Variants in CCDC61 observed in about 807,000 individuals in gnomAD.
CCDC61 encodes coiled-coil domain containing 61.
Under a neutral mutation model 63.0 loss-of-function variants are expected in CCDC61, and 55 were observed. The observed-to-expected ratio is 0.87, with a 90% CI of 0.70 to 1.09. The LOEUF (loss-of-function observed/expected upper bound fraction) is 1.09. Among genes scored for constraint, CCDC61 ranks in the 50% least tolerant of loss-of-function variants. CCDC61 has a pLI of 0.00. For synonymous variants in CCDC61, 270 were observed against 317.0 expected (o/e 0.85, Z 1.58); for missense variants, 651 against 731.4 (o/e 0.89, Z 1.27).
intron 1 of CCDC61, among the ~76,000 whole-genome samples, chr19:46,001,956 A>AT (rs1457930013): frequency 1.3e-5 from 2 of 151,986 alleles, no homozygotes; most frequent in Non-Finnish European, 2.9e-5. Flanking sequence ...ATTTTATTTT[A>AT]TTTTTTGAGA....
rs1424862223 is a variant in CCDC61, at chr19:46,015,368, G to A, written c.786G>A (p.Glu262=). The A allele has an allele frequency of 6.2e-7, 1 of 1,603,036 alleles. No homozygotes were observed. Among genetic ancestry groups the A allele is most frequent in the Non-Finnish European group, 8.5e-7 (1 of 1,179,046 alleles). The change falls in exon 7 of 14, where the codon GAG becomes GAA. Residue 262 remains glutamate, a synonymous_variant. Transcript: ENST00000595358. The surrounding 1 kb of genome is among the most constrained non-coding windows in gnomAD (Gnocchi z 5.3). The part of the protein sequence containing the change: ...AKELEEAKAS[E]RSLRARLKTL... ...AGCTCGAGGAGGCGAAGGCATCGGA[G>A]CGGAGCCTGCGCGCCCGGCTGAAGA...
intron 5 of CCDC61, among the ~76,000 whole-genome samples, chr19:46,010,195 T>C (rs1241211521): frequency 2.0e-5 from 3 of 152,212 alleles, no homozygotes; most frequent in Admixed American, 2.0e-4. Context: ...TCGTCCCTCT[T>C]CACAGATGAG....
At chr19:46,008,086 C>T (rs1051206739) in intron 4 of CCDC61, 54 bp from the exon 5 acceptor site, 3 of 1,526,788 alleles carry the variant, frequency 2.0e-6, no homozygotes, top group African/African-American at 2.8e-5. Context: ...GCTGTTTACC[C>T]TCAGGTGCAT....
chr19:46,006,107 T>C (rs570095654), intron 3 of CCDC61, among the ~76,000 whole-genome samples: 32 of 152,332 alleles, frequency 2.1e-4, no homozygotes, highest in African/African-American at 6.5e-4. Flanking sequence ...ACTGGGGAGA[T>C]ACAATAACCT....
At position 46,006,747 on chromosome 19, in the gene CCDC61, G is replaced by A. The variant is rs555578272; in HGVS notation, c.389+31G>A. The A allele has an allele frequency of 5.1e-6, 8 of 1,571,296 alleles. No homozygotes were observed. In the South Asian group the frequency reaches 9.2e-5, roughly 18 times the overall value. On this transcript the variant is annotated intron_variant, in intron 4 of 13. Transcript: ENST00000595358. The stretch of plus-strand genomic sequence containing the variant: ...GAGAAGGGTCTGGCTCCAGGGCCAG[G>A]CTGGTGGGCGGGGTGGGAGAGGATG...
At chr19:46,009,123 G>C (rs1968774920) in intron 5 of CCDC61, among the ~76,000 whole-genome samples, 1 of 152,292 alleles carries the variant, frequency 6.6e-6, no homozygotes, top group African/African-American at 2.4e-5. Flanking sequence ...CTCCACTGGG[G>C]TGTAGGGTGG....
intron 3 of CCDC61, 23 bp downstream of exon 3, chr19:46,003,524 G>A (rs1240117206): frequency 3.4e-6 from 5 of 1,452,166 alleles, no homozygotes; most frequent in Non-Finnish European, 2.9e-6. Context: ...TTGGCGGGTT[G>A]GGGTGGGAGG....
At chr19:46,006,146 T>C (rs1968705015) in intron 3 of CCDC61, among the ~76,000 whole-genome samples, 1 of 152,176 alleles carries the variant, frequency 6.6e-6, no homozygotes, top group Non-Finnish European at 1.5e-5. Flanking sequence ...AGGGGCTTGA[T>C]TTCTCCTAAG....
chr19:46,010,482 G>A (rs1968807843), intron 5 of CCDC61, among the ~76,000 whole-genome samples: 4 of 152,214 alleles, frequency 2.6e-5, no homozygotes, highest in African/African-American at 9.6e-5. Flanking sequence ...AGGCTTCCCG[G>A]ATGAGTGGAG....
At chr19:46,017,392 T>C (rs1410823302) in intron 12 of CCDC61, 88 bp downstream of exon 12, 2 of 1,256,478 alleles carry the variant, frequency 1.6e-6, no homozygotes, top group African/African-American at 3.0e-5. Flanking sequence ...CAGAGGCGAC[T>C]CTGAATGCCT....
intron 3 of CCDC61, among the ~76,000 whole-genome samples, chr19:46,004,988 C>T (rs1968675425): frequency 6.6e-6 from 1 of 151,330 alleles, no homozygotes; most frequent in Non-Finnish European, 1.5e-5. Context: ...ACAGGCCTGC[C>T]CACCATGCCC....
intron 1 of CCDC61, among the ~76,000 whole-genome samples, chr19:46,000,338 G>T (rs1275213714): frequency 1.3e-5 from 2 of 152,090 alleles, no homozygotes; most frequent in African/African-American, 4.8e-5. Flanking sequence ...TATGCGGGAA[G>T]AATGCAGTTG....
rs879449991 is a variant in CCDC61 at position 46,003,024 on chromosome 19, C to T, written c.6C>T (p.Asp2=). Residue 2 remains aspartate (D), a synonymous_variant, in exon 2 of 14, where the codon GAC becomes GAT. Transcript: ENST00000595358. ...CTTCTCCAGCAACCTTGGCCATGGA[C>T]CAGCCGGCTGGCCTGCAGGTGGACT... M[D]QPAGLQVDYV... is the part of the protein sequence containing the mutation. 2.8e-5 allele frequency: 44 copies of T among 1,560,194 alleles called. No homozygotes were observed. The highest frequency in any genetic ancestry group is 5.4e-5 in the African/African-American group (4 of 73,590).
chr19:46,013,669 C>A (rs1176377718), intron 5 of CCDC61, among the ~76,000 whole-genome samples: 2 of 151,782 alleles, frequency 1.3e-5, no homozygotes, highest in African/African-American at 4.8e-5. Context: ...GAGTTTGAGA[C>A]CATCTTGGCC....
At chr19:45,999,332 G>C (rs987981409) in intron 1 of CCDC61, among the ~76,000 whole-genome samples, 5 of 146,958 alleles carry the variant, frequency 3.4e-5, no homozygotes, top group African/African-American at 1.0e-4. Context: ...TGAAGGGGGG[G>C]TTCTATCCAG....
chr19:46,002,277 C>T (rs181038505), intron 1 of CCDC61, among the ~76,000 whole-genome samples: 1 of 151,912 alleles, frequency 6.6e-6, no homozygotes, highest in East Asian at 1.9e-4. Flanking sequence ...TTGGCTCATC[C>T]TACTCCAATA....
intron 1 of CCDC61, among the ~76,000 whole-genome samples, chr19:45,996,939 T>C (rs73055782): frequency 0.48 from 72,062 of 151,594 alleles, 17,384 homozygotes; most frequent in Non-Finnish European, 0.49. Flanking sequence ...GGTCAGGTTG[T>C]TTCTCCTTTC....
Position 46,015,329 on chromosome 19 carries a change from T to A in CCDC61, c.763-16T>A. ...GCCTCAGCCTGGACCTCCGCGCCCCTCTCCCCTCCCGGCAGCTCGAGGAGG... is the reference window on the plus strand; with the variant it reads ...GCCTCAGCCTGGACCTCCGCGCCCCACTCCCCTCCCGGCAGCTCGAGGAGG... On this transcript the variant is annotated splice_polypyrimidine_tract_variant and intron_variant, in intron 6 of 13. Transcript: ENST00000595358. The surrounding 1 kb of genome is among the most constrained non-coding windows in gnomAD (Gnocchi z 5.3). 1.3e-6 allele frequency: 2 copies of A among 1,595,856 alleles called. No homozygotes were observed. Among genetic ancestry groups the A allele is most frequent in the South Asian group, 1.1e-5 (1 of 90,014 alleles).
In CCDC61 at chr19:45,998,575, A is replaced by G. The variant is rs1968535248; in HGVS notation, c.-12+3071A>G. ...GGGAGAAAACCTTGGCTGTATCCCC[A>G]GTGTCTAGAACCCCATTCCCTGGCA... On this transcript the variant is annotated intron_variant, in intron 1 of 13. Transcript: ENST00000595358. Among the ~76,000 whole-genome samples the G allele has an allele frequency of 2.0e-5, 3 of 152,264 alleles. No individual in the cohort carries two copies. In the South Asian group the frequency reaches 6.2e-4, roughly 32 times the overall value.
Sources: gnomAD v4.1 joint callset for allele counts (sites outside exome capture counted in the v4.1 genomes callset) on GRCh38, gnomAD v4.1.1 for gene constraint, Gnocchi (gnomAD v3.1) non-coding constraint, MANE v1.5 for transcripts, NCBI Gene and HGNC (gene_info 2026-07-23, HGNC 2026-07-21) for gene names.